Variants in TDRD7 observed in about 807,000 individuals in gnomAD.
TDRD7 encodes tudor domain-containing protein 7.
In TDRD7, 47 loss-of-function variants were observed where a neutral mutation model predicts 109.8. The ratio of observed to expected loss-of-function variants is 0.43; its 90% confidence interval spans 0.34 to 0.55. The LOEUF (loss-of-function observed/expected upper bound fraction) is 0.55. Ranked by LOEUF, TDRD7 falls within the 20% of genes least tolerant of loss-of-function variation. TDRD7 has a pLI of 0.03. For missense variants in TDRD7, 1,164 were observed against 1,319.2 expected, an observed-to-expected ratio of 0.88 and a Z score of 1.82; for synonymous variants, 424 against 457.3, an observed-to-expected ratio of 0.93 and a Z score of 0.93.
intron 7 of TDRD7, among the ~76,000 whole-genome samples, chr9:97,462,826 C>G (rs1217065041): frequency 6.6e-6 from 1 of 152,236 alleles, no homozygotes; most frequent in Non-Finnish European, 1.5e-5. Context: ...CCCTCCTTCT[C>G]TCCTGGCTGC....
chr9:97,477,031 G>A (rs534814065), intron 12 of TDRD7, among the ~76,000 whole-genome samples: 22 of 152,110 alleles, frequency 1.4e-4, no homozygotes, highest in Non-Finnish European at 2.6e-4. Context: ...AACATGACTC[G>A]TTGAAAAGGT....
intron 6 of TDRD7, among the ~76,000 whole-genome samples, chr9:97,442,079 A>G (rs1459790775): frequency 1.3e-5 from 2 of 152,160 alleles, no homozygotes; most frequent in Non-Finnish European, 2.9e-5. Context: ...CTGTGTTGTA[A>G]TTGCTATTTT....
At position 97,468,854 on chromosome 9, in the gene TDRD7, G is replaced by A. The variant is rs143708574; in HGVS notation, c.1630-1704G>A. 4.4e-3 allele frequency among the ~76,000 whole-genome samples: 675 copies of A among 152,280 alleles called. 5 individuals are homozygous for A. Among genetic ancestry groups the A allele is most frequent in the Middle Eastern group, 0.027 (8 of 294 alleles). On this transcript the variant is annotated intron_variant, in intron 8 of 16. Transcript: ENST00000355295. The stretch of plus-strand genomic sequence containing the variant: ...ATGTGACTACTGGCCCTGATCCCAG[G>A]ACATTAGAGAGAGAGAGACTACTGA...
At chr9:97,479,062 A>G (rs554936066) in intron 13 of TDRD7, among the ~76,000 whole-genome samples, 1 of 152,296 alleles carries the variant, frequency 6.6e-6, no homozygotes, top group Admixed American at 6.5e-5. Flanking sequence ...AGGATTTTGA[A>G]TATTTTGAAT....
At position 97,412,486 on chromosome 9, in the gene TDRD7, C is replaced by T. The variant is rs1173527135; in HGVS notation, c.-7+248C>T. On this transcript the variant is annotated intron_variant, in intron 1 of 16. Coordinates refer to ENST00000355295, the MANE Select transcript of TDRD7 (RefSeq NM_014290.3). The surrounding 1 kb of genome is among the most constrained non-coding windows in gnomAD (Gnocchi z 4.3). ...GTTTTAAATCTCTGAAGGGACCCTG[C>T]TCCGGGCCGGGCGTTCACGCGGGAG... Among the ~76,000 whole-genome samples the T allele has an allele frequency of 6.6e-6, 1 of 152,146 alleles. No homozygotes were observed. Among genetic ancestry groups the T allele is most frequent in the Non-Finnish European group, 1.5e-5 (1 of 68,014 alleles).
intron 13 of TDRD7, 129 bp from the exon 14 acceptor site, chr9:97,480,699 C>T (rs937884928): frequency 2.5e-5 from 19 of 765,254 alleles, no homozygotes; most frequent in African/African-American, 8.6e-5. Context: ...CTGTGATTGT[C>T]GTTATTAGCT....
chr9:97,480,007 C>T (rs1284725854), intron 13 of TDRD7, among the ~76,000 whole-genome samples: 1 of 152,142 alleles, frequency 6.6e-6, no homozygotes, highest in African/African-American at 2.4e-5. Flanking sequence ...TCCTCTCCAA[C>T]AAGAAAGGTA....
At chr9:97,440,008 T>A (rs1163763154) in intron 5 of TDRD7, among the ~76,000 whole-genome samples, 1 of 152,236 alleles carries the variant, frequency 6.6e-6, no homozygotes, top group East Asian at 1.9e-4. Flanking sequence ...TTTACATTAT[T>A]TGCTGCTTTA....
At chr9:97,448,208 C>T (rs1343689872) in intron 6 of TDRD7, among the ~76,000 whole-genome samples, 1 of 152,190 alleles carries the variant, frequency 6.6e-6, no homozygotes, top group Admixed American at 6.5e-5. Flanking sequence ...TTCTGAATAT[C>T]TTGGGCTTAT....
chr9:97,484,417 A>C (rs1829175633), intron 15 of TDRD7, among the ~76,000 whole-genome samples: 1 of 152,122 alleles, frequency 6.6e-6, no homozygotes, highest in South Asian at 2.1e-4. Context: ...CTTAGGAGAA[A>C]TGAACAAGCT....
chr9:97,430,263 C>T (rs1473413629), intron 2 of TDRD7, among the ~76,000 whole-genome samples: 4 of 152,138 alleles, frequency 2.6e-5, no homozygotes, highest in African/African-American at 7.2e-5. Context: ...GTGGAAGCTC[C>T]GGAGACCCTG....
intron 16 of TDRD7, among the ~76,000 whole-genome samples, chr9:97,489,671 C>T (rs915542649): frequency 2.3e-4 from 35 of 152,032 alleles, no homozygotes; most frequent in African/African-American, 8.5e-4. Flanking sequence ...GTTGGATTAA[C>T]ATCTACCATA....
chr9:97,455,135 G>A (rs771828529), intron 6 of TDRD7, among the ~76,000 whole-genome samples: 6 of 152,016 alleles, frequency 3.9e-5, no homozygotes, highest in East Asian at 1.9e-4. Flanking sequence ...GGAAGAAATC[G>A]AATCCCTGAG....
At position 97,460,408 on chromosome 9, in the gene TDRD7, G is replaced by A. The variant is rs374773107; in HGVS notation, c.1086G>A (p.Pro362=). 45 of 1,614,054 alleles carry A rather than the reference G, an allele frequency of 2.8e-5. No individual in the cohort carries two copies. The highest frequency in any genetic ancestry group is 6.7e-5 in the Admixed American group (4 of 60,004). The change falls in exon 7 of 17, where the codon CCG becomes CCA. Residue 362 remains proline (P), a synonymous_variant. Transcript: ENST00000355295. ...YTSGLWASAL[P]KAFEEMYKVK... is the part of the protein sequence containing the mutation. ...GTGGCCTTTGGGCCAGTGCACTTCC[G>A]AAAGCATTTGAGGAAATGTACAAAG...
At chr9:97,441,451 C>G (rs1417207604) in intron 5 of TDRD7, among the ~76,000 whole-genome samples, 1 of 151,966 alleles carries the variant, frequency 6.6e-6, no homozygotes, top group African/African-American at 2.4e-5. Flanking sequence ...GTTTCTTGAC[C>G]CACAAGAAAC....
chr9:97,469,305 A>T (rs1479093274), intron 8 of TDRD7, among the ~76,000 whole-genome samples: 1 of 152,220 alleles, frequency 6.6e-6, no homozygotes, highest in Non-Finnish European at 1.5e-5. Context: ...GCTGCCTGAC[A>T]TGCAGCCCTA....
chr9:97,424,298 C>T (rs556700541), intron 1 of TDRD7, among the ~76,000 whole-genome samples: 10 of 151,958 alleles, frequency 6.6e-5, no homozygotes, highest in Admixed American at 2.6e-4. Flanking sequence ...TCAGATGAAC[C>T]GCCCACCTCG....
Position 97,475,467 on chromosome 9 carries a change from G to A in TDRD7, c.2164G>A (p.Glu722Lys), listed in dbSNP as rs760133709. 3.1e-6 allele frequency: 5 copies of A among 1,609,734 alleles called. No individual in the cohort carries two copies. Among genetic ancestry groups the A allele is most frequent in the Middle Eastern group, 1.7e-4 (1 of 6,054 alleles). Residue 722 changes from glutamate (E) to lysine (K), a missense_variant and splice_region_variant, in exon 12 of 17, where the codon GAG (glutamate) becomes AAG (lysine). Coordinates refer to ENST00000355295, the MANE Select transcript of TDRD7 (RefSeq NM_014290.3). ...FHCKGKWLRV[E>K]ITNVHSSRAL... is the part of the protein sequence containing the mutation. ...TTGCAAAGGAAAATGGTTACGAGTAGAGGTAAAAATCAGTCACTTGGCTTT... is the reference window on the plus strand; with the variant it reads ...TTGCAAAGGAAAATGGTTACGAGTAAAGGTAAAAATCAGTCACTTGGCTTT...
At chr9:97,460,815 G>A (rs138152263) in intron 7 of TDRD7, 51 bp downstream of exon 7, 1 of 1,522,448 alleles carries the variant, frequency 6.6e-7, no homozygotes, top group Non-Finnish European at 9.1e-7. Flanking sequence ...TTTGTCACTT[G>A]TCTATTCTTC....
Sources: gnomAD v4.1 joint callset for allele counts (sites outside exome capture counted in the v4.1 genomes callset) on GRCh38, gnomAD v4.1.1 for gene constraint, Gnocchi (gnomAD v3.1) non-coding constraint, MANE v1.5 for transcripts, NCBI Gene and HGNC (gene_info 2026-07-23, HGNC 2026-07-21) for gene names.